The following GPATCH2L variants were observed in gnomAD, a reference collection of about 807,000 sequenced individuals.
GPATCH2L encodes the protein G-patch domain containing 2 like.
A neutral mutation model predicts 57.4 loss-of-function variants in GPATCH2L; 31 were observed. The observed-to-expected ratio is 0.54, with a 90% CI of 0.41 to 0.73. The LOEUF (loss-of-function observed/expected upper bound fraction) is 0.73. GPATCH2L is among the 30% of genes least tolerant of loss of function. GPATCH2L has a pLI of 0.00. For synonymous variants in GPATCH2L, 199 were observed against 210.7 expected, an observed-to-expected ratio of 0.94 and a Z score of 0.48; for missense variants, 481 against 599.9, an observed-to-expected ratio of 0.80 and a Z score of 2.07.
chr14:76,159,437 A>G (rs756677636), intron 2 of GPATCH2L, among the ~76,000 whole-genome samples: 2 of 151,656 alleles, frequency 1.3e-5, no homozygotes, highest in Non-Finnish European at 2.9e-5. Context: ...CCCCTTCTCT[A>G]CTCCCGTGGA....
At position 76,154,707 on chromosome 14, in the gene GPATCH2L, A is replaced by C; in HGVS notation, c.344A>C (p.Asp115Ala). ...KSKQHSWHES[D>A]SFTENAPCRP... is the part of the protein sequence containing the mutation. ...AAGCAACATTCTTGGCATGAATCTGACTCCTTTACTGAAAATGCACCTTGT... is the reference window on the plus strand; with the variant it reads ...AAGCAACATTCTTGGCATGAATCTGCCTCCTTTACTGAAAATGCACCTTGT... Residue 115 changes from aspartate (D) to alanine (A), a missense_variant, in exon 2 of 10, where the codon GAC becomes GCC. Transcript: ENST00000261530. The surrounding 1 kb of genome is among the most constrained non-coding windows in gnomAD (Gnocchi z 4.4). 6.2e-7 allele frequency: 1 copy of C among 1,614,056 alleles called. No individual in the cohort carries two copies. The highest frequency in any genetic ancestry group is 8.5e-7 in the Non-Finnish European group (1 of 1,179,994).
intron 2 of GPATCH2L, among the ~76,000 whole-genome samples, chr14:76,156,131 A>G (rs890118152): frequency 2.0e-5 from 3 of 152,216 alleles, no homozygotes; most frequent in Admixed American, 6.5e-5. Flanking sequence ...TAATTTGCCT[A>G]AGATCACCCA....
chr14:76,181,229 A>G (rs4304957), intron 8 of GPATCH2L, among the ~76,000 whole-genome samples: 117,009 of 152,104 alleles, frequency 0.77, 45,981 homozygotes, highest in South Asian at 0.88. Context: ...CCTCTGTGGG[A>G]GAGAGATCCA....
chr14:76,179,884 C>A (rs1018159288), intron 7 of GPATCH2L: 3 of 152,038 alleles, frequency 2.0e-5, no homozygotes, highest in Non-Finnish European at 2.9e-5. Context: ...CATAATAACC[C>A]TGTAAAATAG....
intron 8 of GPATCH2L, among the ~76,000 whole-genome samples, chr14:76,193,734 A>G (rs990115029): frequency 1.3e-5 from 2 of 152,136 alleles, no homozygotes; most frequent in African/African-American, 4.8e-5. Flanking sequence ...CTGATGTCTA[A>G]CAGTAACATG....
chr14:76,169,944 A>G (rs568124627), intron 3 of GPATCH2L, among the ~76,000 whole-genome samples: 65 of 152,282 alleles, frequency 4.3e-4, no homozygotes, highest in African/African-American at 1.5e-3. Flanking sequence ...TTAGAAATAC[A>G]CATTTTTGGT....
intron 7 of GPATCH2L, chr14:76,179,460 A>C (rs1426615457): frequency 2.0e-5 from 3 of 152,232 alleles, no homozygotes. Flanking sequence ...TCATGTTTGC[A>C]TCAGAGGATC....
At chr14:76,187,891 A>G (rs1041364567) in intron 8 of GPATCH2L, among the ~76,000 whole-genome samples, 2 of 151,942 alleles carry the variant, frequency 1.3e-5, no homozygotes, top group African/African-American at 4.8e-5. Flanking sequence ...GCCTCTGGTA[A>G]CCCTCCTTCT....
In GPATCH2L at chr14:76,174,382, T is replaced by C. The variant is rs924143537; in HGVS notation, c.984+757T>C. 6 of 152,318 alleles carry C rather than the reference T, an allele frequency of 3.9e-5. No homozygotes were observed. The East Asian group carries it at 1.2e-3, about 29-fold the overall frequency. 9.4% of individuals were successfully genotyped at this position (152,318 alleles called of 1,614,324 possible). A position where few individuals can be genotyped will look rare whatever the true frequency, so the allele number is the denominator to read the frequency against. On this transcript the variant is annotated intron_variant, in intron 5 of 9. Coordinates refer to ENST00000261530, the MANE Select transcript of GPATCH2L (RefSeq NM_017926.4). ...AGGGCTCATCCTCAGTCAGAGAAGA[T>C]GGTGGTGGGCAAAGAATAAGGAAGG...
chr14:76,175,540 T>C (rs1482948050), intron 5 of GPATCH2L: 1 of 152,194 alleles, frequency 6.6e-6, no homozygotes, highest in African/African-American at 2.4e-5. Flanking sequence ...AAGTTAATAA[T>C]TTTTCTGCTG....
rs539253873 is a variant in GPATCH2L, at chr14:76,152,259, CCGAGCCATGGTCGCCCCAGCCCTCAGGGA to C, written c.-11+271_-11+299del. On this transcript the variant is annotated intron_variant, in intron 1 of 9. Coordinates refer to ENST00000261530, the MANE Select transcript of GPATCH2L (RefSeq NM_017926.4). ...GGCTGCAGCCTGAGGGCTTGGTGTCCCGAGCCATGGTCGCCCCAGCCCTCAGGGACGGGCCGGGGCGTGGTGGAGAGTCC... is the reference window on the plus strand; with the variant it reads ...GGCTGCAGCCTGAGGGCTTGGTGTCCCGGGCCGGGGCGTGGTGGAGAGTCC... 5.0e-3 allele frequency among the ~76,000 whole-genome samples: 767 copies of C among 152,236 alleles called. 2 individuals carry two copies. Among genetic ancestry groups the C allele is most frequent in the Non-Finnish European group, 7.9e-3 (537 of 67,992 alleles).
At chr14:76,173,773 A>T (rs1342175078) in intron 5 of GPATCH2L, 148 bp downstream of exon 5, 7 of 600,878 alleles carry the variant, frequency 1.2e-5, no homozygotes, top group Non-Finnish European at 2.2e-5. Flanking sequence ...AAGAGTGAAC[A>T]TTATGTAGAA....
At chr14:76,229,828 C>A (rs1191946624) in exon 2 of GPATCH2L, 4 of 152,186 alleles carry the variant, frequency 2.6e-5, no homozygotes, top group African/African-American at 9.7e-5. Context: ...GACAGCCCCC[C>A]TGCCCTGAGA....
intron 3 of GPATCH2L, among the ~76,000 whole-genome samples, chr14:76,167,167 A>T (rs1055015649): frequency 6.6e-6 from 1 of 152,212 alleles, no homozygotes; most frequent in African/African-American, 2.4e-5. Flanking sequence ...ATAGTGTCCT[A>T]GGTGAATATA....
chr14:76,184,389 T>C (rs2039692069), intron 8 of GPATCH2L, among the ~76,000 whole-genome samples: 1 of 152,058 alleles, frequency 6.6e-6, no homozygotes, highest in Non-Finnish European at 1.5e-5. Context: ...CTGAGGCTGC[T>C]TCTTGCCTGG....
intron 8 of GPATCH2L, among the ~76,000 whole-genome samples, chr14:76,181,206 G>A (rs1393914128): frequency 1.3e-5 from 2 of 152,148 alleles, no homozygotes; most frequent in Admixed American, 6.5e-5. Context: ...GCCTCCTTTC[G>A]TATAATTTTC....
At chr14:76,169,972 C>G (rs1010278839) in intron 3 of GPATCH2L, among the ~76,000 whole-genome samples, 30 of 152,184 alleles carry the variant, frequency 2.0e-4, no homozygotes, top group African/African-American at 6.5e-4. Flanking sequence ...AGACTAGAAT[C>G]AGAAACTCTG....
At chr14:76,200,356 G>A (rs1396450385) in intron 9 of GPATCH2L, among the ~76,000 whole-genome samples, 2 of 152,084 alleles carry the variant, frequency 1.3e-5, no homozygotes, top group African/African-American at 4.8e-5. Flanking sequence ...ATAAAAAATA[G>A]CAAAAAAGTT....
At chr14:76,155,202 C>G (rs931345642) in intron 2 of GPATCH2L, among the ~76,000 whole-genome samples, 177 bp downstream of exon 2, 1 of 152,158 alleles carries the variant, frequency 6.6e-6, no homozygotes, top group South Asian at 2.1e-4. Flanking sequence ...GAGTCTATTT[C>G]CCTCTGTCAG....
Sources: allele counts gnomAD v4.1 joint callset (sites outside exome capture counted in the v4.1 genomes callset), GRCh38; gene constraint gnomAD v4.1.1; non-coding constraint Gnocchi (gnomAD v3.1); transcripts MANE v1.5; gene names NCBI Gene and HGNC (gene_info 2026-07-23, HGNC 2026-07-21).